The following ZBTB24 variants were observed in gnomAD, a reference collection of about 807,000 sequenced individuals.
ZBTB24 encodes zinc finger and BTB domain containing 24, also known as zinc finger and BTB domain-containing protein 24.
ZBTB24 carries 32 observed loss-of-function variants against 53.8 expected under a neutral mutation model. The ratio of observed to expected loss-of-function variants is 0.60; its 90% CI spans 0.45 to 0.80. The LOEUF is 0.80. ZBTB24 is among the 30% of genes least tolerant of loss of function. The pLI, the probability that ZBTB24 is intolerant of heterozygous loss-of-function variation, is 0.00. For synonymous variants in ZBTB24, 297 were observed against 306.7 expected (o/e 0.97, Z 0.33); for missense variants, 722 against 837.1 (o/e 0.86, Z 1.70).
At chr6:109,479,085 A>T (rs1776341453) in intron 2 of ZBTB24, among the ~76,000 whole-genome samples, 1 of 152,192 alleles carries the variant, frequency 6.6e-6, no homozygotes, top group Admixed American at 6.5e-5. Context: ...AGTTAGAGAG[A>T]ACAGAGAAAA....
rs937195824 is a variant in ZBTB24 at position 109,464,511 on chromosome 6, A to C, written c.*1340T>G. ...AAAATCCCCTACCAGCTTACATGAA[A>C]GTGGTAAAAGAATTCAATAAGCTTA... On this transcript the variant is annotated 3_prime_UTR_variant, in exon 7 of 7. Coordinates refer to ENST00000230122, the MANE Select transcript of ZBTB24 (RefSeq NM_014797.3). The C allele has an allele frequency of 6.6e-6, 1 of 152,234 alleles. No individual in the cohort carries two copies. Among genetic ancestry groups the C allele is most frequent in the Non-Finnish European group, 1.5e-5 (1 of 68,042 alleles). 9.4% of individuals were successfully genotyped at this position (152,234 alleles called of 1,614,324 possible).
intron 4 of ZBTB24, 77 bp from the exon 5 acceptor site, chr6:109,475,559 C>T: frequency 6.5e-7 from 1 of 1,540,844 alleles, no homozygotes; most frequent in Non-Finnish European, 9.0e-7. Context: ...TGTTAAAGCA[C>T]TTCCCTGAAA....
chr6:109,473,903 GCCAAAACC>G (rs1776221173), intron 5 of ZBTB24, among the ~76,000 whole-genome samples: 2 of 151,614 alleles, frequency 1.3e-5, no homozygotes, highest in Admixed American at 1.3e-4. Context: ...TGGCTAACAT[GCCAAAACC>G]CTGTCTCTAC....
intron 5 of ZBTB24, among the ~76,000 whole-genome samples, chr6:109,472,438 G>A (rs1033823188): frequency 6.6e-6 from 1 of 152,130 alleles, no homozygotes; most frequent in Non-Finnish European, 1.5e-5. Flanking sequence ...GAGGTCTTCT[G>A]TTCCTTTTCA....
At chr6:109,471,977 C>A (rs1776176593) in intron 5 of ZBTB24, among the ~76,000 whole-genome samples, 1 of 152,090 alleles carries the variant, frequency 6.6e-6, no homozygotes, top group Non-Finnish European at 1.5e-5. Context: ...GGGATGCACT[C>A]CTAGGAAAGG....
chr6:109,475,348 T>G (rs377526180), intron 5 of ZBTB24, 51 bp downstream of exon 5: 50 of 1,607,874 alleles, frequency 3.1e-5, no homozygotes, highest in Non-Finnish European at 3.9e-5. Flanking sequence ...CATTCTTCAC[T>G]CTCCTGAAAA....
chr6:109,481,239 T>C lies in ZBTB24; in HGVS notation c.788A>G (p.Lys263Arg), dbSNP rs148296427. 105 of 1,614,206 alleles carry C rather than the reference T, an allele frequency of 6.5e-5. No homozygotes were observed. The highest frequency in any genetic ancestry group is 9.9e-5 in the South Asian group (9 of 91,080). ...YSKRRIWRSV[K>R]LKDYKLVGDQ... is the part of the protein sequence containing the mutation. The stretch of plus-strand genomic sequence containing the variant: ...CCCAACAAGTTTGTAATCTTTAAGT[T>C]TGACGGATCTCCAAATCCTCCGCTT... The change falls in exon 2 of 7, where the codon AAA becomes AGA. Residue 263 changes from lysine to arginine, a missense_variant. Coordinates refer to ENST00000230122, the MANE Select transcript of ZBTB24 (RefSeq NM_014797.3).
intron 3 of ZBTB24, 64 bp from the exon 4 acceptor site, chr6:109,476,322 T>C: frequency 6.4e-7 from 1 of 1,561,934 alleles, no homozygotes; most frequent in Non-Finnish European, 8.8e-7. Context: ...TGCTCACTAA[T>C]AAGGTAAATA....
intron 3 of ZBTB24, 93 bp from the exon 4 acceptor site, chr6:109,476,351 C>T (rs1776278577): frequency 1.5e-6 from 2 of 1,293,602 alleles, no homozygotes; most frequent in Non-Finnish European, 2.2e-6. Context: ...GGTCCAGGTC[C>T]CCATTTTCTA....
rs1160557296 is a variant in ZBTB24, at chr6:109,464,518, A to C, written c.*1333T>G. On this transcript the variant is annotated 3_prime_UTR_variant, in exon 7 of 7. Coordinates refer to ENST00000230122, the MANE Select transcript of ZBTB24 (RefSeq NM_014797.3). ...CCTACCAGCTTACATGAAAGTGGTA[A>C]AAGAATTCAATAAGCTTAGCTTGAA... is the stretch of plus-strand genomic sequence containing the variant. 1 of 152,232 alleles carries C rather than the reference A, an allele frequency of 6.6e-6. No homozygotes were observed. The highest frequency in any genetic ancestry group is 1.5e-5 in the Non-Finnish European group (1 of 68,042). 9.4% of individuals were successfully genotyped at this position (152,232 alleles called of 1,614,324 possible).
At position 109,463,928 on chromosome 6, in the gene ZBTB24, T is replaced by C. The variant is rs180765159; in HGVS notation, c.*1923A>G. The C allele has an allele frequency of 9.8e-5, 15 of 152,330 alleles. No individual in the cohort carries two copies. In the East Asian group the frequency reaches 2.3e-3, roughly 23 times the overall value. The allele number at this position is 152,330 out of a possible 1,614,324, so 9.4% of individuals were successfully genotyped here. A position where few individuals can be genotyped will look rare whatever the true frequency, so the allele number is the denominator to read the frequency against. On this transcript the variant is annotated 3_prime_UTR_variant, in exon 7 of 7. Transcript: ENST00000230122. ...CTCTTAGTGTAGAGGTAGACTGTTA[T>C]AGAGCCAGTGAAACTTGACTTATAA...
rs1775937377 is a variant in ZBTB24 at position 109,463,172 on chromosome 6, AG to A, written c.*2678del. ...CAGCTAATTTTTGTATTTTTAGTAG[AG>A]ATGGGGTTTCACTATGTTGGTCAGG... is the stretch of plus-strand genomic sequence containing the variant. On this transcript the variant is annotated 3_prime_UTR_variant, in exon 7 of 7. Transcript: ENST00000230122. 6.6e-6 allele frequency: 1 copy of A among 152,190 alleles called. No individual in the cohort carries two copies. Among genetic ancestry groups the A allele is most frequent in the Non-Finnish European group, 1.5e-5 (1 of 68,070 alleles). The allele number at this position is 152,190 out of a possible 1,614,324, so 9.4% of individuals were successfully genotyped here.
rs749390499 is a variant in ZBTB24, at chr6:109,481,579, TAAC to T, written c.445_447del (p.Val149del). 15 of 1,614,232 alleles carry T rather than the reference TAAC, an allele frequency of 9.3e-6. No individual in the cohort carries two copies. Among genetic ancestry groups the T allele is most frequent in the East Asian group, 4.5e-5 (2 of 44,890 alleles). On this transcript the variant is annotated inframe_deletion, in exon 2 of 7. Transcript: ENST00000230122. Reference sequence around the variant, plus strand: ...GGAGGATCGTTTTTCTTATTAGAGATAACAACCACTGGGGCACCAGCAGTGTTC... The same window carrying T: ...GGAGGATCGTTTTTCTTATTAGAGATAACCACTGGGGCACCAGCAGTGTTC...
intron 5 of ZBTB24, among the ~76,000 whole-genome samples, chr6:109,468,040 A>T (rs1776088679): frequency 6.6e-6 from 1 of 152,056 alleles, no homozygotes; most frequent in African/African-American, 2.4e-5. Context: ...CTCCCCTTAG[A>T]TATTACAGCA....
intron 5 of ZBTB24, among the ~76,000 whole-genome samples, chr6:109,469,845 A>G (rs1029300782): frequency 3.3e-5 from 5 of 152,170 alleles, no homozygotes; most frequent in Non-Finnish European, 7.3e-5. Context: ...TAGTCTAAAT[A>G]GTATGAGCAG....
chr6:109,468,699 G>C (rs891885454), intron 5 of ZBTB24, among the ~76,000 whole-genome samples: 2 of 152,084 alleles, frequency 1.3e-5, no homozygotes, highest in African/African-American at 4.8e-5. Context: ...TAGTACCCCA[G>C]TGCCGAGAAT....
intron 5 of ZBTB24, among the ~76,000 whole-genome samples, chr6:109,469,229 G>A (rs1648735927): frequency 6.6e-6 from 1 of 152,204 alleles, no homozygotes; most frequent in Admixed American, 6.5e-5. Flanking sequence ...CTCTGATCTT[G>A]GTTGGTTTTC....
intron 3 of ZBTB24, among the ~76,000 whole-genome samples, chr6:109,476,516 A>G (rs1776281021): frequency 6.6e-6 from 1 of 152,238 alleles, no homozygotes; most frequent in African/African-American, 2.4e-5. Flanking sequence ...AAGTAAAACA[A>G]TTCTAAACTT....
chr6:109,479,179 A>G (rs1408198237), intron 2 of ZBTB24, among the ~76,000 whole-genome samples: 1 of 152,248 alleles, frequency 6.6e-6, no homozygotes, highest in Non-Finnish European at 1.5e-5. Flanking sequence ...TCTACCTGTT[A>G]TCTACCCAGA....
Sources: gnomAD v4.1 joint callset for allele counts (sites outside exome capture counted in the v4.1 genomes callset) on GRCh38, gnomAD v4.1.1 for gene constraint, MANE v1.5 for transcripts, NCBI Gene and HGNC (gene_info 2026-07-23, HGNC 2026-07-21) for gene names.